Variants in KNL1 observed in about 807,000 individuals in gnomAD.
The protein encoded by KNL1 is outer kinetochore KNL1 complex subunit KNL1.
Under a neutral mutation model 201.3 loss-of-function variants are expected in KNL1, and 66 were observed. The ratio of observed to expected loss-of-function variants is 0.33; its 90% CI spans 0.27 to 0.40. The LOEUF (loss-of-function observed/expected upper bound fraction) is 0.40, where lower values mean the gene tolerates loss of function less well. Among genes scored for constraint, KNL1 ranks in the 10% least tolerant of loss-of-function variants. KNL1 has a pLI of 1.00. For synonymous variants in KNL1, 895 were observed against 899.2 expected (o/e 1.00, Z 0.08); for missense variants, 2,815 against 2,690.5 (o/e 1.05, Z -1.02).
chr15:40,642,125 C>T (rs1893247401), intron 14 of KNL1, among the ~76,000 whole-genome samples: 3 of 152,090 alleles, frequency 2.0e-5, no homozygotes, highest in African/African-American at 4.8e-5. Flanking sequence ...TTTGGCTGGG[C>T]GCAGTGGCTC....
chr15:40,657,575 G>T lies in KNL1; in HGVS notation c.6713+102G>T, dbSNP rs143751701. ...AGGTCTGAGATTAAGGTGTAAGCGG[G>T]TGTTATTCTTTCTGAGGGCTGTTAG... is the stretch of plus-strand genomic sequence containing the variant. On this transcript the variant is annotated intron_variant, in intron 24 of 25. Transcript: ENST00000399668. 313 of 651,256 alleles carry T rather than the reference G, an allele frequency of 4.8e-4. No individual in the cohort carries two copies. In the African/African-American group the frequency reaches 5.2e-3, roughly 11 times the overall value. The allele number at this position is 651,256 out of a possible 1,614,324, so 40.3% of individuals were successfully genotyped here. A position where few individuals can be genotyped will look rare whatever the true frequency, so the allele number is the denominator to read the frequency against.
At chr15:40,608,182 C>T (rs1459646393) in intron 4 of KNL1, among the ~76,000 whole-genome samples, 1 of 152,010 alleles carries the variant, frequency 6.6e-6, no homozygotes. Context: ...CAGAATAAGA[C>T]TTGATCTCTG....
chr15:40,601,716 G>C (rs1338013661), intron 1 of KNL1, among the ~76,000 whole-genome samples: 1 of 150,924 alleles, frequency 6.6e-6, no homozygotes, highest in Non-Finnish European at 1.5e-5. Flanking sequence ...AGCTACTCGG[G>C]AGGCTGAGGC....
In KNL1 at chr15:40,622,517, G is replaced by C. The variant is rs748409054; in HGVS notation, c.2253G>C (p.Lys751Asn). 1 of 1,614,022 alleles carries C rather than the reference G, an allele frequency of 6.2e-7. No individual in the cohort carries two copies. The highest frequency in any genetic ancestry group is 1.1e-5 in the South Asian group (1 of 91,072). The change falls in exon 10 of 26, where the codon AAG becomes AAC. Residue 751 changes from lysine (K) to asparagine (N), a missense_variant. By Grantham distance (94) the Lys-to-Asn change is moderately conservative. This residue lies in a region of KNL1 where 2,464 missense variants were observed against 2,291.7 expected (regional missense o/e 1.08). Transcript: ENST00000399668. ...SNPTPDYCHDKMIICSEEEQN... is the reference protein window; with the variant it reads ...SNPTPDYCHDNMIICSEEEQN... ...CCACACCTGACTATTGCCATGACAA[G>C]ATGATTATATGTTCAGAGGAAGAGC...
Position 40,623,077 on chromosome 15 carries a change from C to T in KNL1, c.2813C>T (p.Pro938Leu), listed in dbSNP as rs1408216466. The change falls in exon 10 of 26, where the codon CCT (proline) becomes CTT (leucine). Residue 938 changes from proline to leucine, a missense_variant. This residue lies in a region of KNL1 where 2,464 missense variants were observed against 2,291.7 expected (regional missense o/e 1.08). Coordinates refer to ENST00000399668, the MANE Select transcript of KNL1 (RefSeq NM_144508.5). Reference sequence around the variant, plus strand: ...TCACCAGATGAAATAACTACTAGGCCTATGGACAAAACTGTAGTGTTTGTA... The same window carrying T: ...TCACCAGATGAAATAACTACTAGGCTTATGGACAAAACTGTAGTGTTTGTA... ...TVSPDEITTR[P>L]MDKTVVFVDN... is the part of the protein sequence containing the mutation. 1.2e-6 allele frequency: 2 copies of T among 1,613,838 alleles called. No homozygotes were observed. The highest frequency in any genetic ancestry group is 1.7e-6 in the Non-Finnish European group (2 of 1,179,866).
rs769654305 is a variant in KNL1 at position 40,650,383 on chromosome 15, T to C, written c.6172+5T>C. On this transcript the variant is annotated splice_donor_5th_base_variant and intron_variant, in intron 18 of 25. Coordinates refer to ENST00000399668, the MANE Select transcript of KNL1 (RefSeq NM_144508.5). ...AAATGAGAGCTGCAGAAAAAGGTAA[T>C]TGAATTAGTTAAGGAGATAAATGGG... 5.0e-6 allele frequency: 8 copies of C among 1,608,184 alleles called. No individual in the cohort carries two copies. In the African/African-American group the frequency reaches 6.7e-5, roughly 13 times the overall value.
chr15:40,623,214 G>C lies in KNL1; in HGVS notation c.2950G>C (p.Gly984Arg). Residue 984 changes from glycine (G) to arginine (R), a missense_variant, in exon 10 of 26, where the codon GGA (glycine) becomes CGA (arginine). By Grantham distance (125) the Gly-to-Arg change is moderately radical. Around this residue, in one of 3 missense-constraint regions of KNL1, gnomAD observed 2,464 missense variants for 2,291.7 expected, o/e 1.08. Transcript: ENST00000399668. ...TGAACTATCCCAAAGGAAAAGCCTA[G>C]GAACACCAACAGTGATATGTACTCC... ...NFELSQRKSL[G>R]TPTVICTPTE... 1 of 1,613,864 alleles carries C rather than the reference G, an allele frequency of 6.2e-7. No individual in the cohort carries two copies. The highest frequency in any genetic ancestry group is 8.5e-7 in the Non-Finnish European group (1 of 1,179,848).
chr15:40,627,972 G>T, intron 10 of KNL1, 98 bp from the exon 11 acceptor site: 3 of 769,098 alleles, frequency 3.9e-6, no homozygotes, highest in South Asian at 3.0e-5. Flanking sequence ...ATGAATTATA[G>T]ATTAATTGTA....
Position 40,662,117 on chromosome 15 carries a change from A to G in KNL1, c.6880A>G (p.Asn2294Asp), listed in dbSNP as rs770156266. The G allele has an allele frequency of 1.9e-6, 3 of 1,612,622 alleles. No homozygotes were observed. The South Asian group carries it at 3.3e-5, about 18-fold the overall frequency. ...ATILSKVPLE[N>D]NYLKNVVKQI... ...CATTCTATCTAAAGTGCCACTGGAG[A>G]ACAACTACCTGAAGAATGTAGTCAA... The change falls in exon 26 of 26, where the codon AAC becomes GAC. Residue 2294 changes from asparagine (N) to aspartate (D), a missense_variant. Around this residue, in one of 3 missense-constraint regions of KNL1, gnomAD observed 334 missense variants for 362.6 expected, o/e 0.92. Transcript: ENST00000399668.
At chr15:40,639,068 C>A (rs1483919281) in intron 13 of KNL1, among the ~76,000 whole-genome samples, 1 of 151,898 alleles carries the variant, frequency 6.6e-6, no homozygotes, top group African/African-American at 2.4e-5. Flanking sequence ...GCTGGGATTA[C>A]AGGCATGAGC....
chr15:40,655,848 G>A (rs557000669), intron 22 of KNL1, among the ~76,000 whole-genome samples: 212 of 151,414 alleles, frequency 1.4e-3, no homozygotes, highest in African/African-American at 5.0e-3. Flanking sequence ...CCCGGGAGGC[G>A]GAGCTTGCAG....
chr15:40,628,082 C>T lies in KNL1; in HGVS notation c.5389C>T (p.His1797Tyr). Residue 1797 changes from histidine (H) to tyrosine (Y), a missense_variant, in exon 11 of 26, where the codon CAT becomes TAT. By Grantham distance (83) the His-to-Tyr change is moderately conservative (BLOSUM62 2). Around this residue, in one of 3 missense-constraint regions of KNL1, gnomAD observed 2,464 missense variants for 2,291.7 expected, o/e 1.08. Coordinates refer to ENST00000399668, the MANE Select transcript of KNL1 (RefSeq NM_144508.5). ...TTQDREIFDHHTEEDIDKSAN... is the reference protein window; with the variant it reads ...TTQDREIFDHYTEEDIDKSAN... ...TTGACAATTTCAGATTTTTGATCAC[C>T]ATACTGAAGAGGATATAGATAAAAG... 3.1e-6 allele frequency: 5 copies of T among 1,595,946 alleles called. No individual in the cohort carries two copies. Among genetic ancestry groups the T allele is most frequent in the Non-Finnish European group, 4.3e-6 (5 of 1,173,248 alleles).
At chr15:40,659,892 T>TTGTGTGTGTG (rs749156028) in intron 25 of KNL1, among the ~76,000 whole-genome samples, 16,627 of 119,932 alleles carry the variant, frequency 0.14, 1,159 homozygotes, top group African/African-American at 0.2. Flanking sequence ...TTTGAAGAAT[T>TTGTGTGTGTG]TATGTGTGTG....
intron 13 of KNL1, among the ~76,000 whole-genome samples, chr15:40,634,756 G>A (rs2141738774): frequency 6.6e-6 from 1 of 152,266 alleles, no homozygotes; most frequent in East Asian, 1.9e-4. Context: ...GGAGAGCAGA[G>A]GGGAAGGATA....
Position 40,662,966 on chromosome 15 carries a change from A to G in KNL1, c.*778A>G, listed in dbSNP as rs115035313. ...CAGAGCAAGACCCTGTCTCAAAAAAACAAAAAGAGAGAAAGCAATAGCACT... is the reference window on the plus strand; with the variant it reads ...CAGAGCAAGACCCTGTCTCAAAAAAGCAAAAAGAGAGAAAGCAATAGCACT... On this transcript the variant is annotated 3_prime_UTR_variant, in exon 26 of 26. Coordinates refer to ENST00000399668, the MANE Select transcript of KNL1 (RefSeq NM_144508.5). 1,892 of 184,618 alleles carry G rather than the reference A, an allele frequency of 0.01. 33 individuals carry two copies. The highest frequency in any genetic ancestry group is 0.042 in the African/African-American group (1,778 of 42,732). 11.4% of individuals were successfully genotyped at this position (184,618 alleles called of 1,614,324 possible).
Position 40,623,062 on chromosome 15 carries a change from A to C in KNL1, c.2798A>C (p.Glu933Ala), listed in dbSNP as rs771718093. ...GAATGTAAAACTGTCTCACCAGATGAAATAACTACTAGGCCTATGGACAAA... is the reference window on the plus strand; with the variant it reads ...GAATGTAAAACTGTCTCACCAGATGCAATAACTACTAGGCCTATGGACAAA... ...ALECKTVSPD[E>A]ITTRPMDKTV... The change falls in exon 10 of 26, where the codon GAA (glutamate) becomes GCA (alanine). Residue 933 changes from glutamate to alanine, a missense_variant. By Grantham distance (107) the Glu-to-Ala change is moderately radical. Coordinates refer to ENST00000399668, the MANE Select transcript of KNL1 (RefSeq NM_144508.5). The C allele has an allele frequency of 1.3e-5, 21 of 1,613,896 alleles. No individual in the cohort carries two copies. Among genetic ancestry groups the C allele is most frequent in the Non-Finnish European group, 4.2e-6 (5 of 1,179,928 alleles).
chr15:40,600,837 A>G (rs1475685674), intron 1 of KNL1, among the ~76,000 whole-genome samples: 1 of 152,202 alleles, frequency 6.6e-6, no homozygotes, highest in Non-Finnish European at 1.5e-5. Context: ...AGTTCAGGAA[A>G]CTTCACGTTA....
chr15:40,629,495 C>CCTTTTTTT, intron 13 of KNL1, 124 bp downstream of exon 13: 1 of 175,610 alleles, frequency 5.7e-6, no homozygotes, highest in Non-Finnish European at 9.7e-6. Flanking sequence ...TTTGCCTTTT[C>CCTTTTTTT]TTTTTTTTTT....
intron 13 of KNL1, among the ~76,000 whole-genome samples, chr15:40,632,004 A>G (rs1892923228): frequency 1.3e-5 from 2 of 149,044 alleles, no homozygotes; most frequent in African/African-American, 2.5e-5. Flanking sequence ...ACAAGACCCT[A>G]TCTCAAAAAA....
Sources: gnomAD v4.1 joint callset for allele counts (sites outside exome capture counted in the v4.1 genomes callset) on GRCh38, gnomAD v4.1.1 for gene constraint, gnomAD v4.1.1 regional missense constraint, MANE v1.5 for transcripts, NCBI Gene and HGNC (gene_info 2026-07-23, HGNC 2026-07-21) for gene names.